OAS1: variants seen among roughly 807,000 people sequenced by gnomAD.
OAS1 encodes the protein 2'-5'-oligoadenylate synthase 1.
In OAS1, 24 loss-of-function variants were observed where a neutral mutation model predicts 38.5. The ratio of observed to expected loss-of-function variants is 0.62; its 90% CI spans 0.45 to 0.88. The LOEUF is 0.88. Ranked by LOEUF, OAS1 falls within the 40% of genes least tolerant of loss-of-function variation. The pLI, the probability that OAS1 is intolerant of heterozygous loss-of-function variation, is 0.00. For synonymous variants in OAS1, 169 were observed against 193.9 expected (o/e 0.87, Z 1.07); for missense variants, 482 against 493.9 (o/e 0.98, Z 0.23).
chr12:112,907,451 C>A (rs10744785), intron 1 of OAS1, among the ~76,000 whole-genome samples: 2 of 152,120 alleles, frequency 1.3e-5, no homozygotes, highest in African/African-American at 4.8e-5. Flanking sequence ...GACCCTCCCC[C>A]CTACTTCCCG....
rs1274089453 is a variant in OAS1 at position 112,911,136 on chromosome 12, G to A, written c.555G>A (p.Glu185=). The A allele has an allele frequency of 1.9e-6, 3 of 1,613,976 alleles. No homozygotes were observed. The highest frequency in any genetic ancestry group is 1.3e-5 in the African/African-American group (1 of 74,896). Residue 185 remains glutamate, a synonymous_variant, in exon 3 of 6, where the codon GAG becomes GAA. Transcript: ENST00000202917. ...GCACCGACCTGCAGAAAGAGGGCGA[G>A]TTCTCCACCTGCTTCACAGAACTAC... ...EECTDLQKEG[E]FSTCFTELQR...
chr12:112,923,019 A>G (rs961940532), downstream of OAS1, among the ~76,000 whole-genome samples: 2 of 152,168 alleles, frequency 1.3e-5, no homozygotes, highest in African/African-American at 4.8e-5. Context: ...TACCATTCCC[A>G]CACACATTTT....
chr12:112,923,936 G>A (rs545320371), downstream of OAS1, among the ~76,000 whole-genome samples: 5 of 152,272 alleles, frequency 3.3e-5, no homozygotes, highest in South Asian at 6.2e-4. Flanking sequence ...AGACTTAAAC[G>A]TAAGACCTGA....
At position 112,919,635 on chromosome 12, in the gene OAS1, G is replaced by C; in HGVS notation, c.*82G>C. 6.2e-7 allele frequency: 1 copy of C among 1,609,994 alleles called. No homozygotes were observed. ...TTTCAGGTGGGACTCTTGATCCAGA[G>C]AGGACAAAGCTCCTCAGTGAGCTGG... On this transcript the variant is annotated 3_prime_UTR_variant, in exon 6 of 6. Transcript: ENST00000202917.
chr12:112,930,031 G>A (rs569454077), intron 6 of OAS1, among the ~76,000 whole-genome samples: 7 of 152,256 alleles, frequency 4.6e-5, no homozygotes. Context: ...CATGGGGGTG[G>A]ATTTCTCATG....
chr12:112,928,843 G>A (rs557559692), intron 6 of OAS1, among the ~76,000 whole-genome samples: 3 of 152,320 alleles, frequency 2.0e-5, no homozygotes, highest in South Asian at 4.1e-4. Flanking sequence ...TGAAATGGGG[G>A]CCAGTGACTC....
At chr12:112,915,374 G>A (rs1309924966) in intron 3 of OAS1, among the ~76,000 whole-genome samples, 1 of 152,102 alleles carries the variant, frequency 6.6e-6, no homozygotes, top group Admixed American at 6.5e-5. Flanking sequence ...GTTGAATAGG[G>A]TGTCCTTTCC....
intron 3 of OAS1, among the ~76,000 whole-genome samples, chr12:112,911,510 G>C (rs2043383169): frequency 6.6e-6 from 1 of 152,050 alleles, no homozygotes; most frequent in African/African-American, 2.4e-5. Flanking sequence ...TGCATAATAG[G>C]TGTAAATAAC....
In OAS1 at chr12:112,907,094, T is replaced by C; in HGVS notation, c.55T>C (p.Tyr19His). ...ATCTCTGGACAAGTTCATTGAAGAC[T>C]ATCTCTTGCCAGACACGTGTTTCCG... Reference protein sequence around the residue: ...AKSLDKFIEDYLLPDTCFRMQ... With the variant: ...AKSLDKFIEDHLLPDTCFRMQ... Residue 19 changes from tyrosine (Y) to histidine (H), a missense_variant, in exon 1 of 6, where the codon TAT (tyrosine) becomes CAT (histidine). Coordinates refer to ENST00000202917, the MANE Select transcript of OAS1 (RefSeq NM_016816.4). The C allele has an allele frequency of 6.2e-7, 1 of 1,614,262 alleles. No individual in the cohort carries two copies. The highest frequency in any genetic ancestry group is 8.5e-7 in the Non-Finnish European group (1 of 1,180,046).
rs1131476 is a variant in OAS1, at chr12:112,919,404, G to A, written c.1054G>A (p.Ala352Thr). The change falls in exon 6 of 6, where the codon GCA becomes ACA. Residue 352 changes from alanine to threonine, a missense_variant. By Grantham distance (58) the Ala-to-Thr change is moderately conservative. Transcript: ENST00000202917. Reference sequence around the variant, plus strand: ...ACCCTTTCAGGCTGAAAGCAACAGTGCAGACGATGAGACCGACGATCCCAG... The same window carrying A: ...ACCCTTTCAGGCTGAAAGCAACAGTACAGACGATGAGACCGACGATCCCAG... ...SWILLAESNS[A>T]DDETDDPRRY... 0.68 allele frequency: 1,086,058 copies of A among 1,602,930 alleles called. 374,330 individuals are homozygous for A. The highest frequency in any genetic ancestry group is 0.93 in the African/African-American group (70,113 of 74,996).
At chr12:112,910,692 T>TCA (rs1433606467) in intron 2 of OAS1, among the ~76,000 whole-genome samples, 1 of 152,104 alleles carries the variant, frequency 6.6e-6, no homozygotes, top group Admixed American at 6.5e-5. Context: ...AGAGACCAGA[T>TCA]CACACCAGAC....
intron 1 of OAS1, chr12:112,907,742 C>G (rs920958164): frequency 6.5e-6 from 1 of 153,090 alleles, no homozygotes; most frequent in African/African-American, 2.4e-5. Context: ...TGAATTAGTA[C>G]CCAAGGTTCT....
intron 5 of OAS1, chr12:112,918,541 T>C: frequency 2.5e-6 from 1 of 398,820 alleles, no homozygotes; most frequent in South Asian, 1.8e-5. Context: ...GACATTCTAC[T>C]TTTAGTTATT....
intron 6 of OAS1, among the ~76,000 whole-genome samples, chr12:112,926,080 A>G (rs2043556409): frequency 6.6e-6 from 1 of 152,206 alleles, no homozygotes; most frequent in Admixed American, 6.5e-5. Context: ...TCCAATCAAT[A>G]CAGTTCTATT....
rs533662352 is a variant in OAS1, at chr12:112,914,614, G to A, written c.655-1895G>A. On this transcript the variant is annotated intron_variant, in intron 3 of 5. Coordinates refer to ENST00000202917, the MANE Select transcript of OAS1 (RefSeq NM_016816.4). Reference sequence around the variant, plus strand: ...TCCACACCAACATCTATTATTGTTTGATTTTTTATTATGACCATTCTTGCA... The same window carrying A: ...TCCACACCAACATCTATTATTGTTTAATTTTTTATTATGACCATTCTTGCA... Among the ~76,000 whole-genome samples the A allele has an allele frequency of 1.3e-3, 200 of 151,820 alleles. 1 individual carries two copies. In the Middle Eastern group the frequency reaches 0.017, roughly 13 times the overall value.
At chr12:112,924,847 T>G (rs2043549200), downstream of OAS1, among the ~76,000 whole-genome samples, 1 of 152,184 alleles carries the variant, frequency 6.6e-6, no homozygotes, top group South Asian at 2.1e-4. Context: ...TCTGATAGTT[T>G]ACGCAAAGTT....
chr12:112,914,745 T>C (rs2043432222), intron 3 of OAS1, among the ~76,000 whole-genome samples: 1 of 150,630 alleles, frequency 6.6e-6, no homozygotes, highest in South Asian at 2.1e-4. Context: ...TTTTTTTTTT[T>C]TTTCATTATT....
downstream of OAS1, among the ~76,000 whole-genome samples, chr12:112,923,140 G>A (rs1285019913): frequency 6.6e-6 from 1 of 152,214 alleles, no homozygotes; most frequent in Non-Finnish European, 1.5e-5. Context: ...TCCATTTATA[G>A]TTGCTTTGGT....
At chr12:112,917,489 G>A (rs2043477194) in intron 4 of OAS1, 58 bp from the exon 5 acceptor site, 5 of 1,604,032 alleles carry the variant, frequency 3.1e-6, no homozygotes, top group Non-Finnish European at 2.6e-6. Flanking sequence ...GGAGCATCTG[G>A]ACTCCCTAGA....
Sources: gnomAD v4.1 joint callset for allele counts (sites outside exome capture counted in the v4.1 genomes callset) on GRCh38, gnomAD v4.1.1 for gene constraint, MANE v1.5 for transcripts, NCBI Gene and HGNC (gene_info 2026-07-23, HGNC 2026-07-21) for gene names.